The following RAB33A variants were observed in gnomAD, a reference collection of about 807,000 sequenced individuals.
The protein encoded by RAB33A is ras-related protein Rab-33A.
RAB33A carries 6 observed loss-of-function variants against 12.0 expected under a neutral mutation model. The ratio of observed to expected loss-of-function variants is 0.50; its 90% confidence interval spans 0.27 to 0.99. The LOEUF (loss-of-function observed/expected upper bound fraction) is 0.99, where lower values mean the gene tolerates loss of function less well. Ranked by LOEUF, RAB33A falls within the 50% of genes least tolerant of loss-of-function variation. The pLI is 0.11. For synonymous variants in RAB33A, 70 were observed against 82.4 expected (o/e 0.85, Z 0.81); for missense variants, 109 against 192.0 (o/e 0.57, Z 2.55).
the RAB33A span, chrX:130,139,933 C>T: frequency 1.1e-6 from 1 of 943,009 alleles, no homozygotes; most frequent in Non-Finnish European, 1.5e-6. Flanking sequence ...AAACAATACT[C>T]CCTCCACCAC....
the RAB33A span, among the ~76,000 whole-genome samples, chrX:130,151,946 C>T: frequency 1.8e-5 from 2 of 109,633 alleles, no homozygotes; most frequent in African/African-American, 6.7e-5. Flanking sequence ...GGCTGAGACA[C>T]GAGAACCACC....
At chrX:130,178,076 G>A (rs1257406253) in intron 1 of RAB33A, among the ~76,000 whole-genome samples, 1 of 111,457 alleles carries the variant, frequency 9.0e-6, no homozygotes, top group African/African-American at 3.3e-5. Context: ...TTGGGAGGCC[G>A]AGGCAGGATG....
At chrX:130,143,631 A>G in the RAB33A span, among the ~76,000 whole-genome samples, 1 of 109,471 alleles carries the variant, frequency 9.1e-6, no homozygotes, top group East Asian at 2.9e-4. Flanking sequence ...TGGGTGGATC[A>G]CCTGAGGTCA....
the RAB33A span, among the ~76,000 whole-genome samples, chrX:130,164,092 C>T: frequency 9.4e-5 from 10 of 106,268 alleles, no homozygotes; most frequent in Admixed American, 9.2e-4. Context: ...GGCGTGAATC[C>T]GGGAGGCGGA....
At chrX:130,156,648 T>G in the RAB33A span, 5 of 1,159,532 alleles carry the variant, frequency 4.3e-6, no homozygotes, top group African/African-American at 3.5e-5. Flanking sequence ...AAAAATAAAA[T>G]AGTTAATACA....
the RAB33A span, among the ~76,000 whole-genome samples, chrX:130,123,589 C>T: frequency 1.9e-5 from 2 of 103,783 alleles, no homozygotes; most frequent in Non-Finnish European, 3.9e-5. Flanking sequence ...CTCAGCTATT[C>T]GGGAGGCTGA....
chrX:130,134,779 A>G, the RAB33A span, among the ~76,000 whole-genome samples: 1 of 111,750 alleles, frequency 8.9e-6, no homozygotes, highest in Non-Finnish European at 1.9e-5. Context: ...GACTCCCCCA[A>G]AGCAACCTAA....
chrX:130,138,460 A>G, the RAB33A span: 644 of 517,085 alleles, frequency 1.2e-3, 7 homozygotes, highest in African/African-American at 0.012. Context: ...GCGAGACTCC[A>G]TCTCAAAAAA....
chrX:130,165,820 G>T, the RAB33A span: 1 of 518,172 alleles, frequency 1.9e-6, no homozygotes, highest in Non-Finnish European at 3.5e-6. Flanking sequence ...AAGCCGGCCT[G>T]CTAGAGCCGG....
the RAB33A span, chrX:130,138,749 G>A: frequency 1.1e-6 from 1 of 872,979 alleles, no homozygotes; most frequent in South Asian, 2.0e-5. Flanking sequence ...AAGGGGCATA[G>A]GATAATAATA....
chrX:130,171,619 C>T (rs2031606863), upstream of RAB33A: 1 of 135,051 alleles, frequency 7.4e-6, no homozygotes, highest in African/African-American at 3.2e-5. Flanking sequence ...TGTCCCCACC[C>T]CGTCTCTTTC....
chrX:130,113,198 A>C, the RAB33A span, among the ~76,000 whole-genome samples: 1 of 98,320 alleles, frequency 1.0e-5, no homozygotes, highest in Admixed American at 1.2e-4. Context: ...CTCCTGCCTC[A>C]GCCTCCTGAG....
At chrX:130,150,587 G>A in the RAB33A span, among the ~76,000 whole-genome samples, 4 of 105,408 alleles carry the variant, frequency 3.8e-5, no homozygotes, top group African/African-American at 1.4e-4. Context: ...TGCCCGCCTC[G>A]GCCTCCCAAA....
chrX:130,116,099 CTTTTTTT>C, the RAB33A span, among the ~76,000 whole-genome samples: 1 of 63,059 alleles, frequency 1.6e-5, no homozygotes, highest in Non-Finnish European at 2.7e-5. Flanking sequence ...ACCCCAGGTC[CTTTTTTT>C]TTTTTTTTTT....
the RAB33A span, chrX:130,136,998 G>C: frequency 6.3e-4 from 760 of 1,206,208 alleles, 2 homozygotes; most frequent in Non-Finnish European, 7.4e-4. Context: ...TATGTCAAGG[G>C]GGTTCCTATA....
the RAB33A span, among the ~76,000 whole-genome samples, chrX:130,126,041 T>G: frequency 8.9e-6 from 1 of 112,240 alleles, no homozygotes; most frequent in Non-Finnish European, 1.9e-5. Context: ...GAGGTTGAAG[T>G]CAAATGGGTG....
the RAB33A span, among the ~76,000 whole-genome samples, chrX:130,122,571 G>T: frequency 8.9e-6 from 1 of 112,330 alleles, no homozygotes; most frequent in Non-Finnish European, 1.9e-5. Context: ...AGGAGCAAGG[G>T]GGGGTGGGAG....
chrX:130,127,335 T>A, the RAB33A span, among the ~76,000 whole-genome samples: 126 of 111,453 alleles, frequency 1.1e-3, 1 homozygote, highest in African/African-American at 4.0e-3. Context: ...GAGTTCTGCA[T>A]CCACATGTCT....
the RAB33A span, among the ~76,000 whole-genome samples, chrX:130,125,658 G>A: frequency 9.0e-6 from 1 of 110,804 alleles, no homozygotes. Context: ...GGGAAGGGAG[G>A]GGAGAGTTCC....
Sources: allele counts gnomAD v4.1 joint callset (sites outside exome capture counted in the v4.1 genomes callset), GRCh38; gene constraint gnomAD v4.1.1; transcripts MANE v1.5; gene names NCBI Gene and HGNC (gene_info 2026-07-23, HGNC 2026-07-21).